Variants in BTD observed in about 807,000 individuals in gnomAD.
The protein encoded by BTD is biotinidase.
Under a neutral mutation model 17.7 loss-of-function variants are expected in BTD, and 13 were observed. The observed-to-expected ratio is 0.74, with a 90% CI of 0.48 to 1.17. The LOEUF is 1.17. BTD is among the 50% of genes most tolerant of loss of function. BTD has a pLI of 0.00. For synonymous variants in BTD, 240 were observed against 245.2 expected (o/e 0.98, Z 0.20); for missense variants, 674 against 650.4 (o/e 1.04, Z -0.39).
Position 15,645,660 on chromosome 3 carries a change from A to T in BTD, c.*172A>T. Reference sequence around the variant, plus strand: ...AAAAGTAGGAGAGGCAGATTCCCTCAGTGTCTTCCTCTTAAACCTCAATCA... The same window carrying T: ...AAAAGTAGGAGAGGCAGATTCCCTCTGTGTCTTCCTCTTAAACCTCAATCA... On this transcript the variant is annotated 3_prime_UTR_variant, in exon 4 of 4. Transcript: ENST00000643237. The T allele has an allele frequency of 1.5e-6, 1 of 664,000 alleles. No homozygotes were observed. The highest frequency in any genetic ancestry group is 2.5e-6 in the Non-Finnish European group (1 of 394,238). 41.1% of individuals were successfully genotyped at this position (664,000 alleles called of 1,614,324 possible).
Position 15,635,610 on chromosome 3 carries a change from C to T in BTD, c.171C>T (p.Ile57=). The change falls in exon 2 of 4, where the codon ATC becomes ATT. Residue 57 remains isoleucine (I), a synonymous_variant. Coordinates refer to ENST00000643237, the MANE Select transcript of BTD (RefSeq NM_001370658.1). The surrounding 1 kb of genome is among the most constrained non-coding windows in gnomAD (Gnocchi z 4.1). ...SILSLNPLAL[I]SRQEALELMN... ...TGAGTCTGAACCCTCTGGCTCTCAT[C>T]AGCCGCCAAGAGGCCTTGGAGCTCA... The T allele has an allele frequency of 6.2e-7, 1 of 1,614,240 alleles. No homozygotes were observed. Among genetic ancestry groups the T allele is most frequent in the Non-Finnish European group, 8.5e-7 (1 of 1,180,044 alleles).
chr3:15,666,082 A>G (rs530780076), intron 3 of BTD, among the ~76,000 whole-genome samples: 134 of 152,310 alleles, frequency 8.8e-4, no homozygotes, highest in African/African-American at 3.2e-3. Context: ...AGGGCAAACT[A>G]TGTTACCTCC....
At chr3:15,700,498 G>A (rs866721723) in intron 3 of BTD, among the ~76,000 whole-genome samples, 22 of 152,042 alleles carry the variant, frequency 1.4e-4, no homozygotes, top group African/African-American at 4.3e-4. Context: ...ATATAGGGCC[G>A]GGCGCGGTGG....
At position 15,645,622 on chromosome 3, in the gene BTD, T is replaced by G; in HGVS notation, c.*134T>G. 1 of 991,428 alleles carries G rather than the reference T, an allele frequency of 1.0e-6. No homozygotes were observed. The highest frequency in any genetic ancestry group is 1.5e-6 in the Non-Finnish European group (1 of 681,866). The allele number at this position is 991,428 out of a possible 1,614,324, so 61.4% of individuals were successfully genotyped here. ...ACTTCTGTGGCACCAGATTCCACCC[T>G]GGGAACTGTGGAAAAAGTAGGAGAG... On this transcript the variant is annotated 3_prime_UTR_variant, in exon 4 of 4. Coordinates refer to ENST00000643237, the MANE Select transcript of BTD (RefSeq NM_001370658.1).
intron 1 of BTD, among the ~76,000 whole-genome samples, chr3:15,620,557 T>C (rs990335431): frequency 5.9e-5 from 9 of 152,054 alleles, no homozygotes; most frequent in Non-Finnish European, 1.3e-4. Flanking sequence ...TTCATATTTT[T>C]CAACTACACA....
At chr3:15,671,578 GTTTT>G (rs869032190) in intron 3 of BTD, among the ~76,000 whole-genome samples, 1 of 141,326 alleles carries the variant, frequency 7.1e-6, no homozygotes, top group African/African-American at 2.7e-5. Context: ...AAACACTATA[GTTTT>G]TTTTTTGTTT....
At chr3:15,714,532 GAA>G (rs5846873), downstream of BTD, 318 of 1,081,894 alleles carry the variant, frequency 2.9e-4, no homozygotes, top group East Asian at 9.7e-4. Flanking sequence ...CTACATTTAA[GAA>G]AAAAAAAAAA....
At chr3:15,707,158 C>T (rs2071551675) in intron 3 of BTD, among the ~76,000 whole-genome samples, 1 of 152,042 alleles carries the variant, frequency 6.6e-6, no homozygotes, top group South Asian at 2.1e-4. Flanking sequence ...TTACTTATTT[C>T]TGCCAATGGT....
intron 1 of BTD, chr3:15,630,096 A>G: frequency 1.0e-6 from 1 of 985,408 alleles, no homozygotes; most frequent in Non-Finnish European, 1.2e-6. Flanking sequence ...CAACAAATTC[A>G]AAAAGATGCC....
At chr3:15,707,946 C>T (rs1433028166) in intron 3 of BTD, 2 of 1,613,188 alleles carry the variant, frequency 1.2e-6, no homozygotes. Flanking sequence ...TCTGATGTAG[C>T]TGCATAGTGC....
At chr3:15,655,419 G>T (rs931700894), downstream of BTD, among the ~76,000 whole-genome samples, 18 of 152,142 alleles carry the variant, frequency 1.2e-4, no homozygotes, top group Non-Finnish European at 2.5e-4. Context: ...TGTTCTACTG[G>T]CCCCTGAAAA....
chr3:15,670,496 A>G, intron 3 of BTD: 1 of 1,613,984 alleles, frequency 6.2e-7, no homozygotes, highest in Non-Finnish European at 8.5e-7. Context: ...GGTGGCCAAA[A>G]TGAGAGCCAG....
chr3:15,692,108 C>T (rs1300602736), intron 3 of BTD, among the ~76,000 whole-genome samples: 1 of 149,754 alleles, frequency 6.7e-6, no homozygotes, highest in African/African-American at 2.5e-5. Flanking sequence ...CCACTGCAAC[C>T]CAGCCTGGGT....
At chr3:15,693,808 A>T (rs2069145675) in intron 3 of BTD, among the ~76,000 whole-genome samples, 1 of 152,180 alleles carries the variant, frequency 6.6e-6, no homozygotes, top group African/African-American at 2.4e-5. Context: ...TTAGAACATG[A>T]TAGGAAGTAT....
At chr3:15,720,805 A>G (rs1167572528) in intron 4 of BTD, 15 of 957,200 alleles carry the variant, frequency 1.6e-5, no homozygotes, top group Non-Finnish European at 2.2e-5. Flanking sequence ...AGATTTATCC[A>G]TGTTCTTGAG....
At chr3:15,704,331 T>G (rs1469687375) in intron 3 of BTD, among the ~76,000 whole-genome samples, 1 of 151,984 alleles carries the variant, frequency 6.6e-6, no homozygotes, top group Non-Finnish European at 1.5e-5. Context: ...TTCCAATTAT[T>G]TACTCAAAGT....
At chr3:15,694,851 TA>T in intron 3 of BTD, 1 of 1,580,074 alleles carries the variant, frequency 6.3e-7, no homozygotes, top group Middle Eastern at 1.7e-4. Flanking sequence ...CAGAAAGACA[TA>T]CTACAGCAAT....
At chr3:15,679,995 GCAAA>G (rs2067368764) in intron 3 of BTD, among the ~76,000 whole-genome samples, 1 of 152,076 alleles carries the variant, frequency 6.6e-6, no homozygotes. Context: ...TAGGTTATAT[GCAAA>G]TACTATCCCA....
chr3:15,655,269 C>T (rs182839320), downstream of BTD, among the ~76,000 whole-genome samples: 58 of 151,886 alleles, frequency 3.8e-4, no homozygotes, highest in Admixed American at 5.9e-4. Flanking sequence ...GGGAGTTTGA[C>T]GTATGTAAGG....
Sources: gnomAD v4.1 joint callset for allele counts (sites outside exome capture counted in the v4.1 genomes callset) on GRCh38, gnomAD v4.1.1 for gene constraint, Gnocchi (gnomAD v3.1) non-coding constraint, MANE v1.5 for transcripts, NCBI Gene and HGNC (gene_info 2026-07-23, HGNC 2026-07-21) for gene names.